Variants in CFTR observed in about 807,000 individuals in gnomAD.
CFTR encodes cystic fibrosis transmembrane conductance regulator.
Under a neutral mutation model 171.6 loss-of-function variants are expected in CFTR, and 181 were observed. The ratio of observed to expected loss-of-function variants is 1.05; its 90% CI spans 0.93 to 1.19. CFTR has a LOEUF of 1.19. CFTR is among the 50% of genes most tolerant of loss of function. CFTR has a pLI of 0.00. For synonymous variants in CFTR, 583 were observed against 608.0 expected (o/e 0.96, Z 0.60); for missense variants, 1,968 against 1,734.7 (o/e 1.13, Z -2.39).
rs1038479710 is a variant in CFTR, at chr7:117,614,277, C to T, written c.3368-336C>T. Among the ~76,000 whole-genome samples, 8 of 151,854 alleles carry T rather than the reference C, an allele frequency of 5.3e-5. No homozygotes were observed. In the East Asian group the frequency reaches 5.8e-4, roughly 11 times the overall value. On this transcript the variant is annotated intron_variant, in intron 20 of 26. Transcript: ENST00000003084. ...CATTGCCCATTCTAATATATGTTAC[C>T]GTTATTACTTATAGAATAATAGTAG... is the stretch of plus-strand genomic sequence containing the variant.
chr7:117,597,224 C>T (rs76258137), intron 15 of CFTR, among the ~76,000 whole-genome samples: 16,271 of 152,184 alleles, frequency 0.11, 1,402 homozygotes, highest in East Asian at 0.42. Flanking sequence ...CTGAAGCCAG[C>T]GAGATCACGA....
At position 117,535,398 on chromosome 7, in the gene CFTR, A is replaced by G. The variant is rs562538994; in HGVS notation, c.730A>G (p.Met244Val). ...ALFQAGLGRMMMKYRDQRAGK... is the reference protein window; with the variant it reads ...ALFQAGLGRMVMKYRDQRAGK... ...TTTTCAGGCTGGGCTAGGGAGAATG[A>G]TGATGAAGTACAGGTAGCAACCTAT... is the stretch of plus-strand genomic sequence containing the variant. Residue 244 changes from methionine to valine, a missense_variant, in exon 6 of 27, where the codon ATG (methionine) becomes GTG (valine). Coordinates refer to ENST00000003084, the MANE Select transcript of CFTR (RefSeq NM_000492.4). The G allele has an allele frequency of 1.2e-6, 2 of 1,614,110 alleles. No homozygotes were observed. Among genetic ancestry groups the G allele is most frequent in the East Asian group, 2.2e-5 (1 of 44,884 alleles).
At position 117,667,580 on chromosome 7, in the gene CFTR, C is replaced by A. The variant is rs1352653169; in HGVS notation, c.*472C>A. On this transcript the variant is annotated 3_prime_UTR_variant, in exon 27 of 27. Coordinates refer to ENST00000003084, the MANE Select transcript of CFTR (RefSeq NM_000492.4). Reference sequence around the variant, plus strand: ...TATATAAGCTTGTATTCCTTTTTCTCTCCTCTCCCCATGATGTTTAGAAAC... The same window carrying A: ...TATATAAGCTTGTATTCCTTTTTCTATCCTCTCCCCATGATGTTTAGAAAC... 1.6e-5 allele frequency: 4 copies of A among 246,880 alleles called. No individual in the cohort carries two copies. Among genetic ancestry groups the A allele is most frequent in the Non-Finnish European group, 2.4e-5 (3 of 125,232 alleles). The allele number at this position is 246,880 out of a possible 1,614,324, so 15.3% of individuals were successfully genotyped here.
At chr7:117,606,343 C>T (rs1380452777) in intron 17 of CFTR, among the ~76,000 whole-genome samples, 1 of 152,020 alleles carries the variant, frequency 6.6e-6, no homozygotes. Context: ...TGCAAGGTTG[C>T]AAAAGTAAGA....
chr7:117,505,423 C>A (rs1487694303), intron 2 of CFTR, among the ~76,000 whole-genome samples: 1 of 152,016 alleles, frequency 6.6e-6, no homozygotes, highest in Non-Finnish European at 1.5e-5. Context: ...GGAGAACTGG[C>A]CTTAGGAACT....
At chr7:117,665,703 C>A in intron 26 of CFTR, 139 bp downstream of exon 26, 1 of 687,830 alleles carries the variant, frequency 1.5e-6, no homozygotes, top group Non-Finnish European at 2.7e-6. Context: ...TCCAGCTTTA[C>A]TCAAAATAGC....
chr7:117,618,566 C>A (rs2116106806), intron 21 of CFTR, among the ~76,000 whole-genome samples: 1 of 152,236 alleles, frequency 6.6e-6, no homozygotes, highest in Non-Finnish European at 1.5e-5. Context: ...AGACCTCTAT[C>A]CTGCTCTCTA....
intron 10 of CFTR, among the ~76,000 whole-genome samples, chr7:117,552,694 A>G (rs1799292260): frequency 6.6e-6 from 1 of 152,012 alleles, no homozygotes; most frequent in African/African-American, 2.4e-5. Context: ...CTTCCCAGAG[A>G]TGTTTCTCTC....
chr7:117,644,331 G>T (rs929104986), intron 23 of CFTR, among the ~76,000 whole-genome samples: 2 of 151,756 alleles, frequency 1.3e-5, no homozygotes, highest in Non-Finnish European at 2.9e-5. Flanking sequence ...ATACATTTTT[G>T]ATGTCGAAAC....
intron 11 of CFTR, 90 bp downstream of exon 11, chr7:117,559,745 G>A: frequency 1.2e-6 from 1 of 860,576 alleles, no homozygotes. Flanking sequence ...CAATCGGTTA[G>A]TCTACATATA....
intron 11 of CFTR, among the ~76,000 whole-genome samples, chr7:117,567,225 T>C (rs771008080): frequency 3.4e-4 from 51 of 152,212 alleles, no homozygotes; most frequent in Admixed American, 1.3e-3. Flanking sequence ...ATTGAACAGA[T>C]GTTTAATTTA....
intron 17 of CFTR, among the ~76,000 whole-genome samples, chr7:117,605,515 A>T (rs572074259): frequency 6.6e-6 from 1 of 152,332 alleles, no homozygotes; most frequent in East Asian, 1.9e-4. Context: ...GTGATATAAG[A>T]CATGCATATA....
chr7:117,527,860 A>G lies in CFTR; in HGVS notation c.274-3039A>G, dbSNP rs1377640129. Among the ~76,000 whole-genome samples, 89 of 27,946 alleles carry G rather than the reference A, an allele frequency of 3.2e-3. 2 individuals are homozygous for G. The highest frequency in any genetic ancestry group is 0.013 in the African/African-American group (88 of 6,706). 18.3% of individuals were successfully genotyped at this position (27,946 alleles called of 152,430 possible). On this transcript the variant is annotated intron_variant, in intron 3 of 26. Coordinates refer to ENST00000003084, the MANE Select transcript of CFTR (RefSeq NM_000492.4). ...CTACAAACCACTGCTCAAGGAAATA[A>G]AAGAGGACACAAACAAATGGAAGAA...
chr7:117,605,514 G>A (rs1465424174), intron 17 of CFTR, among the ~76,000 whole-genome samples: 1 of 152,090 alleles, frequency 6.6e-6, no homozygotes, highest in Non-Finnish European at 1.5e-5. Flanking sequence ...TGTGATATAA[G>A]ACATGCATAT....
intron 1 of CFTR, 96 bp downstream of exon 1, chr7:117,480,243 T>C (rs976900305): frequency 9.1e-6 from 10 of 1,094,162 alleles, no homozygotes; most frequent in Admixed American, 5.1e-5. Context: ...AATAAGCAGT[T>C]TTTAAAAAGA....
intron 6 of CFTR, among the ~76,000 whole-genome samples, chr7:117,535,840 A>C (rs545791794): frequency 6.6e-6 from 1 of 152,150 alleles, no homozygotes; most frequent in Non-Finnish European, 1.5e-5. Flanking sequence ...GGCCTAAAAA[A>C]TACTTTTTAA....
At chr7:117,540,005 ACT>A (rs1799020852) in intron 7 of CFTR, 93 bp from the exon 8 acceptor site, 1 of 1,053,264 alleles carries the variant, frequency 9.5e-7, no homozygotes, top group East Asian at 2.6e-5. Context: ...AGGCAGAAAG[ACT>A]CTAGAGACCA....
At chr7:117,629,741 T>A (rs35900505) in intron 22 of CFTR, among the ~76,000 whole-genome samples, 5,551 of 152,290 alleles carry the variant, frequency 0.036, 140 homozygotes, top group African/African-American at 0.047. Context: ...GAGAGCTTAA[T>A]CTAAAACAAT....
chr7:117,639,241 T>C (rs952505210), intron 22 of CFTR, among the ~76,000 whole-genome samples: 2 of 152,192 alleles, frequency 1.3e-5, no homozygotes, highest in Admixed American at 6.5e-5. Flanking sequence ...ACTTTACAAG[T>C]TTTTATTTTC....
Sources: gnomAD v4.1 joint callset for allele counts (sites outside exome capture counted in the v4.1 genomes callset) on GRCh38, gnomAD v4.1.1 for gene constraint, MANE v1.5 for transcripts, NCBI Gene and HGNC (gene_info 2026-07-23, HGNC 2026-07-21) for gene names.